GRM7: variants seen among roughly 807,000 people sequenced by gnomAD.
GRM7 encodes metabotropic glutamate receptor 7.
In GRM7, 35 loss-of-function variants were observed where a neutral mutation model predicts 84.5. The ratio of observed to expected loss-of-function variants is 0.41; its 90% CI spans 0.32 to 0.55. The LOEUF (loss-of-function observed/expected upper bound fraction) is 0.55, where lower values mean the gene tolerates loss of function less well. Ranked by LOEUF, GRM7 falls within the 20% of genes least tolerant of loss-of-function variation. The pLI, the probability that GRM7 is intolerant of heterozygous loss-of-function variation, is 0.19. For synonymous variants in GRM7, 487 were observed against 455.1 expected, an observed-to-expected ratio of 1.07 and a Z score of -0.89; for missense variants, 1,003 against 1,194.6, an observed-to-expected ratio of 0.84 and a Z score of 2.36.
intron 1 of GRM7, among the ~76,000 whole-genome samples, chr3:6,954,945 G>C (rs1575063329): frequency 6.6e-6 from 1 of 152,312 alleles, no homozygotes; most frequent in East Asian, 1.9e-4. Context: ...CTGAGGCTCA[G>C]TATTCTCACC....
At chr3:7,089,733 T>A (rs370320610) in intron 1 of GRM7, among the ~76,000 whole-genome samples, 1 of 152,310 alleles carries the variant, frequency 6.6e-6, no homozygotes, top group East Asian at 1.9e-4. Flanking sequence ...AAGAGAAAGA[T>A]ACCAAGAAGG....
intron 1 of GRM7, among the ~76,000 whole-genome samples, chr3:6,935,531 C>A (rs897693501): frequency 6.6e-6 from 1 of 151,822 alleles, no homozygotes; most frequent in African/African-American, 2.4e-5. Flanking sequence ...TCTAAATTCA[C>A]CCTTTTTACC....
intron 9 of GRM7, among the ~76,000 whole-genome samples, chr3:7,687,909 C>T (rs543989985): frequency 3.7e-4 from 56 of 152,192 alleles, no homozygotes; most frequent in Middle Eastern, 3.4e-3. Context: ...ATAGTTATTT[C>T]CTTTTTCCCT....
chr3:7,467,252 T>TAATGGA (rs964717314), intron 7 of GRM7, among the ~76,000 whole-genome samples: 1 of 152,152 alleles, frequency 6.6e-6, no homozygotes, highest in African/African-American at 2.4e-5. Flanking sequence ...CACACCCAGC[T>TAATGGA]AATTTTTTGT....
At chr3:7,172,881 A>C (rs949922823) in intron 2 of GRM7, among the ~76,000 whole-genome samples, 1 of 152,078 alleles carries the variant, frequency 6.6e-6, no homozygotes, top group Non-Finnish European at 1.5e-5. Context: ...ACTGTCAAGA[A>C]TATTGTTTAC....
At chr3:7,365,229 T>C (rs1396577042) in intron 4 of GRM7, among the ~76,000 whole-genome samples, 2 of 151,850 alleles carry the variant, frequency 1.3e-5, no homozygotes, top group African/African-American at 2.4e-5. Context: ...CTTTTGTTCT[T>C]TGTGATTTCT....
intron 7 of GRM7, among the ~76,000 whole-genome samples, 187 bp downstream of exon 7, chr3:7,461,909 T>C (rs980428663): frequency 1.3e-5 from 2 of 152,182 alleles, no homozygotes; most frequent in African/African-American, 4.8e-5. Flanking sequence ...ATGGGAAATG[T>C]GCATTGAGTT....
chr3:7,317,561 C>G (rs1700627641), intron 4 of GRM7, among the ~76,000 whole-genome samples: 1 of 151,984 alleles, frequency 6.6e-6, no homozygotes, highest in South Asian at 2.1e-4. Context: ...CTCTGTATTG[C>G]TAAGAATAGA....
intron 1 of GRM7, among the ~76,000 whole-genome samples, chr3:7,064,477 TATACACACATATAC>T (rs1453853689): frequency 1.2e-5 from 1 of 85,480 alleles, no homozygotes; most frequent in Non-Finnish European, 2.4e-5. Context: ...TATATATATA[TATACACACATATAC>T]ATATATATAT....
At chr3:7,198,714 G>A (rs948292667) in intron 2 of GRM7, among the ~76,000 whole-genome samples, 2 of 152,072 alleles carry the variant, frequency 1.3e-5, no homozygotes, top group Non-Finnish European at 2.9e-5. Context: ...TGTACACAAA[G>A]TGAAAAACCG....
At chr3:7,702,757 C>T (rs971724093) in intron 9 of GRM7, among the ~76,000 whole-genome samples, 3 of 152,074 alleles carry the variant, frequency 2.0e-5, no homozygotes, top group South Asian at 2.1e-4. Context: ...CATCTAATTG[C>T]GAACAGTAAG....
chr3:7,259,082 T>A (rs1441310919), intron 2 of GRM7, among the ~76,000 whole-genome samples: 1 of 152,204 alleles, frequency 6.6e-6, no homozygotes, highest in Non-Finnish European at 1.5e-5. Context: ...ATAAATGATT[T>A]GTGATCACAG....
At chr3:7,552,510 C>G (rs1201807079) in intron 7 of GRM7, among the ~76,000 whole-genome samples, 1 of 152,162 alleles carries the variant, frequency 6.6e-6, no homozygotes, top group Non-Finnish European at 1.5e-5. Context: ...CATGAGGGCT[C>G]CACTCCTATA....
In GRM7 at chr3:6,861,567, A is replaced by G. The variant is rs1694756381; in HGVS notation, c.179A>G (p.Lys60Arg). The change falls in exon 1 of 10, where the codon AAG becomes AGG. Residue 60 changes from lysine (K) to arginine (R), a missense_variant. Physicochemically the swap from Lys to Arg is conservative, Grantham distance 26. Around this residue, in one of 2 missense-constraint regions of GRM7, gnomAD observed 910 missense variants for 1,126.0 expected, o/e 0.81. Transcript: ENST00000357716. This position sits in a 1 kb window ranked among gnomAD's most constrained non-coding sequence, Gnocchi z 6.4. ...TLGGLFPVHA[K>R]GPSGVPCGDI... ...GGGGGGCTGTTCCCCGTGCACGCCA[A>G]GGGTCCCAGCGGAGTGCCCTGCGGC... 1.2e-6 allele frequency: 2 copies of G among 1,600,594 alleles called. No individual in the cohort carries two copies. The highest frequency in any genetic ancestry group is 1.7e-6 in the Non-Finnish European group (2 of 1,172,580).
At chr3:7,363,288 A>G (rs1379655544) in intron 4 of GRM7, among the ~76,000 whole-genome samples, 3 of 152,196 alleles carry the variant, frequency 2.0e-5, no homozygotes, top group East Asian at 3.9e-4. Flanking sequence ...TTGCTTTAAG[A>G]TGATTTGTTC....
intron 2 of GRM7, among the ~76,000 whole-genome samples, chr3:7,158,898 T>G (rs1320379640): frequency 6.6e-6 from 1 of 152,186 alleles, no homozygotes; most frequent in East Asian, 1.9e-4. Flanking sequence ...TTAAAGGTAG[T>G]TTAGCTACAA....
intron 1 of GRM7, among the ~76,000 whole-genome samples, chr3:6,885,495 A>G (rs1334887160): frequency 2.6e-5 from 4 of 152,204 alleles, no homozygotes; most frequent in Non-Finnish European, 5.9e-5. Flanking sequence ...GGAGTGTCTT[A>G]TGCGGAGGTG....
intron 1 of GRM7, among the ~76,000 whole-genome samples, chr3:7,001,682 G>A (rs114720722): frequency 0.014 from 1,919 of 138,764 alleles, 47 homozygotes; most frequent in African/African-American, 0.056. Context: ...AATTAAGGAC[G>A]TTGAAATTAA....
chr3:7,308,568 T>C (rs1700277967), intron 4 of GRM7, among the ~76,000 whole-genome samples: 1 of 152,184 alleles, frequency 6.6e-6, no homozygotes, highest in Non-Finnish European at 1.5e-5. Flanking sequence ...AGAAGTTGCA[T>C]TGCAAAGGGT....
Sources: gnomAD v4.1 joint callset for allele counts (sites outside exome capture counted in the v4.1 genomes callset) on GRCh38, gnomAD v4.1.1 for gene constraint, gnomAD v4.1.1 regional missense constraint, Gnocchi (gnomAD v3.1) non-coding constraint, MANE v1.5 for transcripts, NCBI Gene and HGNC (gene_info 2026-07-23, HGNC 2026-07-21) for gene names.